Variants in ZMYND8 observed in about 807,000 individuals in gnomAD.
ZMYND8 encodes the protein MYND-type zinc finger-containing chromatin reader ZMYND8.
In ZMYND8, 37 loss-of-function variants were observed where a neutral mutation model predicts 140.8. That is an observed-to-expected ratio of 0.26 (90% CI 0.20 to 0.35). The LOEUF (loss-of-function observed/expected upper bound fraction) is 0.35, where lower values mean the gene tolerates loss of function less well. Among genes scored for constraint, ZMYND8 ranks in the 10% least tolerant of loss-of-function variants. The pLI, the probability that ZMYND8 is intolerant of heterozygous loss-of-function variation, is 1.00. For missense variants in ZMYND8, 1,068 were observed against 1,570.0 expected, an observed-to-expected ratio of 0.68 and a Z score of 5.40; for synonymous variants, 592 against 597.1, an observed-to-expected ratio of 0.99 and a Z score of 0.12.
At chr20:47,239,934 ATTT>A (rs978975262) in intron 14 of ZMYND8, among the ~76,000 whole-genome samples, 1 of 152,100 alleles carries the variant, frequency 6.6e-6, no homozygotes. Flanking sequence ...TTCAGGGGAA[ATTT>A]TTTTACTAAA....
intron 1 of ZMYND8, chr20:47,355,588 A>C (rs2083161260): frequency 8.5e-6 from 6 of 704,640 alleles, no homozygotes; most frequent in Non-Finnish European, 1.0e-5. Flanking sequence ...AACAACAACA[A>C]CACAACCCAA....
chr20:47,277,674 T>C (rs776096365), intron 10 of ZMYND8, among the ~76,000 whole-genome samples: 2 of 151,676 alleles, frequency 1.3e-5, no homozygotes, highest in African/African-American at 2.4e-5. Flanking sequence ...TTTATTTATT[T>C]ATTTATTTAT....
rs527863424 is a variant in ZMYND8, at chr20:47,224,642, G to A, written c.3017-86C>T. 18 of 1,575,970 alleles carry A rather than the reference G, an allele frequency of 1.1e-5. No individual in the cohort carries two copies. The African/African-American group carries it at 1.6e-4, about 14-fold the overall frequency. ...TTCCTGCCCCCAGATTCAGGCAGAC[G>A]TGGATGCAAGACCTGGCTGGGAGAA... On this transcript the variant is annotated intron_variant, in intron 18 of 22. Coordinates refer to ENST00000471951, the MANE Select transcript of ZMYND8 (RefSeq NM_001281775.3).
intron 2 of ZMYND8, among the ~76,000 whole-genome samples, chr20:47,339,609 T>TG (rs1044482674): frequency 6.6e-6 from 1 of 151,960 alleles, no homozygotes; most frequent in South Asian, 2.1e-4. Context: ...CCTGAGTAGC[T>TG]GGGACTACAG....
At chr20:47,335,622 T>C (rs2081335517) in intron 2 of ZMYND8, among the ~76,000 whole-genome samples, 1 of 152,188 alleles carries the variant, frequency 6.6e-6, no homozygotes, top group Non-Finnish European at 1.5e-5. Context: ...TGGTTCTTTT[T>C]AAACTAAGCT....
intron 3 of ZMYND8, among the ~76,000 whole-genome samples, chr20:47,309,154 G>A (rs138973853): frequency 1.5e-3 from 233 of 152,254 alleles, no homozygotes; most frequent in Middle Eastern, 6.8e-3. Context: ...AGATCCAAAC[G>A]GTGAACGGAT....
intron 2 of ZMYND8, among the ~76,000 whole-genome samples, chr20:47,329,977 G>C (rs1262064886): frequency 6.6e-6 from 1 of 152,172 alleles, no homozygotes; most frequent in Non-Finnish European, 1.5e-5. Flanking sequence ...TCTGATCAAA[G>C]CTGAATACTT....
At chr20:47,240,069 T>C (rs1267116504) in intron 14 of ZMYND8, among the ~76,000 whole-genome samples, 2 of 152,004 alleles carry the variant, frequency 1.3e-5, no homozygotes, top group African/African-American at 4.8e-5. Flanking sequence ...AAACCCCGTC[T>C]CTATTAAAAA....
chr20:47,300,763 G>A (rs1164670949), intron 3 of ZMYND8, among the ~76,000 whole-genome samples: 1 of 152,126 alleles, frequency 6.6e-6, no homozygotes, highest in Non-Finnish European at 1.5e-5. Context: ...CGCCCAGGCT[G>A]GAGTACAGTG....
At chr20:47,352,615 A>C in intron 1 of ZMYND8, 2 of 879,408 alleles carry the variant, frequency 2.3e-6, no homozygotes, top group Non-Finnish European at 2.7e-6. Flanking sequence ...CATTGGCCTC[A>C]GAACTCCTCT....
At chr20:47,269,425 A>G (rs1467010794) in intron 11 of ZMYND8, among the ~76,000 whole-genome samples, 1 of 152,228 alleles carries the variant, frequency 6.6e-6, no homozygotes, top group Non-Finnish European at 1.5e-5. Context: ...CAGACATTTC[A>G]AAAGCAAAAA....
At chr20:47,268,731 TTA>T (rs1316643322) in intron 11 of ZMYND8, among the ~76,000 whole-genome samples, 2 of 150,816 alleles carry the variant, frequency 1.3e-5, no homozygotes, top group East Asian at 2.0e-4. Flanking sequence ...TGAGCCGAGA[TTA>T]CACCACTACA....
intron 12 of ZMYND8, among the ~76,000 whole-genome samples, chr20:47,255,689 G>GTATATA (rs367757125): frequency 3.0e-4 from 31 of 103,180 alleles, no homozygotes; most frequent in African/African-American, 1.2e-3. Flanking sequence ...GTGTGTGTGT[G>GTATATA]TATATATATA....
At chr20:47,232,672 A>G (rs1164586859) in intron 16 of ZMYND8, among the ~76,000 whole-genome samples, 6 of 152,208 alleles carry the variant, frequency 3.9e-5, no homozygotes, top group Non-Finnish European at 7.3e-5. Context: ...TTTCCCATTC[A>G]TAAGCAAACA....
intron 17 of ZMYND8, among the ~76,000 whole-genome samples, chr20:47,228,291 A>G (rs1053525828): frequency 2.0e-5 from 3 of 152,176 alleles, no homozygotes; most frequent in African/African-American, 7.2e-5. Flanking sequence ...GCCCCACAAC[A>G]GAAATTATCT....
intron 13 of ZMYND8, among the ~76,000 whole-genome samples, chr20:47,246,797 T>C (rs969261409): frequency 2.0e-5 from 3 of 152,108 alleles, no homozygotes; most frequent in Admixed American, 1.3e-4. Flanking sequence ...TGCCAAATTT[T>C]TGCAACGTTG....
At chr20:47,322,771 T>C (rs1255939631) in intron 2 of ZMYND8, among the ~76,000 whole-genome samples, 1 of 152,174 alleles carries the variant, frequency 6.6e-6, no homozygotes, top group East Asian at 1.9e-4. Context: ...ATTTATATGC[T>C]TCAAGACAAG....
At chr20:47,213,473 A>G (rs759125741) in intron 21 of ZMYND8, among the ~76,000 whole-genome samples, 1 of 152,262 alleles carries the variant, frequency 6.6e-6, no homozygotes, top group Non-Finnish European at 1.5e-5. Flanking sequence ...TCATAATCAT[A>G]CAAGAAAGAA....
At chr20:47,215,647 C>G (rs1006177115) in intron 21 of ZMYND8, among the ~76,000 whole-genome samples, 1 of 151,990 alleles carries the variant, frequency 6.6e-6, no homozygotes, top group African/African-American at 2.4e-5. Context: ...GTAGCTGGGA[C>G]TACAGGTGGG....
Sources: allele counts gnomAD v4.1 joint callset (sites outside exome capture counted in the v4.1 genomes callset), GRCh38; gene constraint gnomAD v4.1.1; transcripts MANE v1.5; gene names NCBI Gene and HGNC (gene_info 2026-07-23, HGNC 2026-07-21).